Variants in GON4L observed in about 807,000 individuals in gnomAD.
GON4L encodes the protein GON-4-like protein.
Under a neutral mutation model 211.8 loss-of-function variants are expected in GON4L, and 87 were observed. The ratio of observed to expected loss-of-function variants is 0.41; its 90% CI spans 0.35 to 0.49. GON4L has a LOEUF of 0.49. Among genes scored for constraint, GON4L ranks in the 20% least tolerant of loss-of-function variants. The pLI is 0.15. For synonymous variants in GON4L, 875 were observed against 962.6 expected, an observed-to-expected ratio of 0.91 and a Z score of 1.68; for missense variants, 2,155 against 2,659.5, an observed-to-expected ratio of 0.81 and a Z score of 4.17.
intron 6 of GON4L, 109 bp downstream of exon 6, chr1:155,820,497 A>G (rs1267873313): frequency 1.3e-6 from 1 of 750,312 alleles, no homozygotes; most frequent in African/African-American, 1.7e-5. Flanking sequence ...ATATTTCTTT[A>G]AAGAGGCAAA....
chr1:155,810,253 C>T (rs1667627255), intron 10 of GON4L, among the ~76,000 whole-genome samples: 1 of 151,360 alleles, frequency 6.6e-6, no homozygotes, highest in African/African-American at 2.4e-5. Flanking sequence ...CTGGGCCTCT[C>T]AAAGTGCTGG....
intron 2 of GON4L, among the ~76,000 whole-genome samples, chr1:155,852,836 G>A (rs954985080): frequency 6.6e-6 from 1 of 152,088 alleles, no homozygotes; most frequent in Non-Finnish European, 1.5e-5. Context: ...CTGCTGGCCA[G>A]GCACGGTGGC....
chr1:155,745,567 C>A (rs1660227061), downstream of GON4L, among the ~76,000 whole-genome samples: 1 of 152,222 alleles, frequency 6.6e-6, no homozygotes, highest in African/African-American at 2.4e-5. Context: ...GGAGACAGCG[C>A]CCACCCCGCT....
chr1:155,822,959 C>A (rs1668867960), intron 3 of GON4L, among the ~76,000 whole-genome samples: 1 of 152,258 alleles, frequency 6.6e-6, no homozygotes, highest in East Asian at 1.9e-4. Flanking sequence ...CCATGCCCGG[C>A]TAATTTTGTA....
chr1:155,791,642 T>G (rs1328378364), intron 12 of GON4L, among the ~76,000 whole-genome samples: 5 of 151,422 alleles, frequency 3.3e-5, no homozygotes, highest in Non-Finnish European at 7.4e-5. Flanking sequence ...CCGAGGCAGG[T>G]GGATCACCTG....
At chr1:155,801,258 G>A (rs1305919527) in intron 11 of GON4L, among the ~76,000 whole-genome samples, 2 of 151,938 alleles carry the variant, frequency 1.3e-5, no homozygotes, top group African/African-American at 4.8e-5. Context: ...CATGTATTTG[G>A]ATATGTACAT....
At position 155,766,086 on chromosome 1, in the gene GON4L, G is replaced by A. The variant is rs199913351; in HGVS notation, c.3387C>T (p.Pro1129=). The A allele has an allele frequency of 9.3e-6, 15 of 1,614,174 alleles. No individual in the cohort carries two copies. The Admixed American group carries it at 2.5e-4, about 27-fold the overall frequency. ...PSKRRGVKAS[P]CMKPAPVIHH... ...GGATAACAGGGGCAGGTTTCATACA[G>A]GGAGAGGCCTTGACTCCTCTTCTCT... Residue 1129 remains proline, a synonymous_variant, in exon 21 of 32, where the codon CCC becomes CCT. Transcript: ENST00000368331.
chr1:155,829,790 A>C (rs1322388230), intron 2 of GON4L, among the ~76,000 whole-genome samples: 2 of 152,054 alleles, frequency 1.3e-5, no homozygotes, highest in Non-Finnish European at 2.9e-5. Context: ...CATATCTATA[A>C]AGGAAGGTGG....
chr1:155,784,519 G>A lies in GON4L; in HGVS notation c.1789-430C>T, dbSNP rs1248127574. The A allele has an allele frequency of 5.2e-5, 10 of 193,762 alleles. No homozygotes were observed. The South Asian group carries it at 8.0e-4, about 15-fold the overall frequency. The allele number at this position is 193,762 out of a possible 1,614,324, so 12.0% of individuals were successfully genotyped here. On this transcript the variant is annotated intron_variant, in intron 13 of 31. Coordinates refer to ENST00000368331, the MANE Select transcript of GON4L (RefSeq NM_001282860.2). ...TCCTGCCTCAGCCTCTGCAGTAACC[G>A]TGACTACAGGTGCCCGCCACCATGC...
chr1:155,785,484 A>C, intron 12 of GON4L, 110 bp from the exon 13 acceptor site: 1 of 812,052 alleles, frequency 1.2e-6, no homozygotes, highest in Non-Finnish European at 2.2e-6. Flanking sequence ...CAAATTCTTC[A>C]TATCTATCCT....
intron 10 of GON4L, among the ~76,000 whole-genome samples, chr1:155,805,751 G>A (rs559955165): frequency 4.4e-4 from 66 of 151,178 alleles, no homozygotes; most frequent in Non-Finnish European, 8.8e-4. Context: ...ATGCAGTGGT[G>A]CCATCTCGGC....
At chr1:155,791,432 C>G (rs921719967) in intron 12 of GON4L, among the ~76,000 whole-genome samples, 3 of 149,566 alleles carry the variant, frequency 2.0e-5, no homozygotes, top group Non-Finnish European at 3.0e-5. Context: ...GACACCAAGG[C>G]TTTGGAGAAG....
chr1:155,748,782 A>C, downstream of GON4L: 2 of 1,612,724 alleles, frequency 1.2e-6, no homozygotes, highest in Middle Eastern at 3.3e-4. Context: ...AGAGCATGCC[A>C]CACAAGGTGA....
At chr1:155,745,299 T>C (rs1165080162), downstream of GON4L, among the ~76,000 whole-genome samples, 1 of 152,186 alleles carries the variant, frequency 6.6e-6, no homozygotes, top group Non-Finnish European at 1.5e-5. Flanking sequence ...GATTAATACA[T>C]GTAAATGATA....
chr1:155,859,411 G>C (rs983772098), upstream of GON4L: 1 of 208,152 alleles, frequency 4.8e-6, no homozygotes, highest in Non-Finnish European at 9.9e-6. Context: ...CTTCCTGAAG[G>C]GGGCGAGGGC....
At chr1:155,844,516 G>T (rs1024200086) in intron 2 of GON4L, among the ~76,000 whole-genome samples, 2 of 152,046 alleles carry the variant, frequency 1.3e-5, no homozygotes, top group African/African-American at 4.8e-5. Context: ...CAGTACTTTG[G>T]GAGGCTAAAG....
chr1:155,833,741 A>G, intron 2 of GON4L, among the ~76,000 whole-genome samples: 1 of 56,808 alleles, frequency 1.8e-5, no homozygotes, highest in African/African-American at 7.3e-5. Context: ...AGGAGAGGGG[A>G]GGAGAGGAGG....
At chr1:155,805,700 T>A (rs1667061577) in intron 10 of GON4L, among the ~76,000 whole-genome samples, 1 of 152,088 alleles carries the variant, frequency 6.6e-6, no homozygotes, top group Admixed American at 6.6e-5. Context: ...TACTTTTTTT[T>A]TTTTTTTGAG....
downstream of GON4L, among the ~76,000 whole-genome samples, chr1:155,745,449 G>A (rs1408395419): frequency 6.6e-6 from 1 of 152,210 alleles, no homozygotes; most frequent in African/African-American, 2.4e-5. Flanking sequence ...ATTTTTGCCC[G>A]GGGAGCTATC....
Sources: allele counts gnomAD v4.1 joint callset (sites outside exome capture counted in the v4.1 genomes callset), GRCh38; gene constraint gnomAD v4.1.1; transcripts MANE v1.5; gene names NCBI Gene and HGNC (gene_info 2026-07-23, HGNC 2026-07-21).